FAM53B: variants seen among roughly 807,000 people sequenced by gnomAD.
FAM53B encodes the protein family with sequence similarity 53 member B.
FAM53B carries 12 observed loss-of-function variants against 32.7 expected under a neutral mutation model. The observed-to-expected ratio is 0.37, with a 90% CI of 0.24 to 0.59. The LOEUF (loss-of-function observed/expected upper bound fraction) is 0.59, where lower values mean the gene tolerates loss of function less well. Among genes scored for constraint, FAM53B ranks in the 20% least tolerant of loss-of-function variants. The pLI is 0.72. For synonymous variants in FAM53B, 234 were observed against 228.7 expected (o/e 1.02, Z -0.21); for missense variants, 477 against 577.7 (o/e 0.83, Z 1.79).
At chr10:124,693,105 C>A (rs1949845681) in intron 3 of FAM53B, among the ~76,000 whole-genome samples, 1 of 152,138 alleles carries the variant, frequency 6.6e-6, no homozygotes, top group Non-Finnish European at 1.5e-5. Flanking sequence ...ACAGCATTGT[C>A]CAGCGCTGGA....
intron 4 of FAM53B, among the ~76,000 whole-genome samples, chr10:124,665,923 C>T (rs80208108): frequency 0.043 from 6,536 of 152,274 alleles, 205 homozygotes; most frequent in East Asian, 0.12. Flanking sequence ...TAGTCGGCTA[C>T]GTAGACACAG....
rs749678701 is a variant in FAM53B at position 124,682,051 on chromosome 10, G to C, written c.462C>G (p.Arg154=). The change falls in exon 4 of 5, where the codon CGC becomes CGG. Residue 154 remains arginine, a synonymous_variant. Transcript: ENST00000337318. This position sits in a 1 kb window ranked among gnomAD's most constrained non-coding sequence, Gnocchi z 5.2. Reference sequence around the variant, plus strand: ...GCATGGTGCTGAAGCCGTTGGAATAGCGCTGGACGCTGCCCCCGCTGTAGC... The same window carrying C: ...GCATGGTGCTGAAGCCGTTGGAATACCGCTGGACGCTGCCCCCGCTGTAGC... The part of the protein sequence containing the change: ...RRCYSGGSVQ[R]YSNGFSTMQR... 6.2e-7 allele frequency: 1 copy of C among 1,613,872 alleles called. No homozygotes were observed. The highest frequency in any genetic ancestry group is 1.1e-5 in the South Asian group (1 of 91,080).
At chr10:124,631,859 G>T (rs1235772172) in intron 4 of FAM53B, among the ~76,000 whole-genome samples, 1 of 152,162 alleles carries the variant, frequency 6.6e-6, no homozygotes, top group African/African-American at 2.4e-5. Flanking sequence ...CAGCCACTCC[G>T]GAAGCAGGCC....
At chr10:124,644,628 T>G (rs549932843) in intron 4 of FAM53B, among the ~76,000 whole-genome samples, 93 of 152,324 alleles carry the variant, frequency 6.1e-4, no homozygotes, top group African/African-American at 2.2e-3. Flanking sequence ...TCAAAGGGTT[T>G]TGCCACTGAG....
chr10:124,727,594 C>T (rs1950114811), intron 1 of FAM53B, among the ~76,000 whole-genome samples: 1 of 152,200 alleles, frequency 6.6e-6, no homozygotes, highest in East Asian at 1.9e-4. Flanking sequence ...CTAGTCACTG[C>T]CATTCACCAT....
chr10:124,689,936 G>T (rs1305311330), intron 3 of FAM53B, among the ~76,000 whole-genome samples: 2 of 152,240 alleles, frequency 1.3e-5, no homozygotes, highest in African/African-American at 2.4e-5. Context: ...GCTCCCACAG[G>T]CGTTCATAAA....
At chr10:124,740,282 C>T (rs987982322) in intron 1 of FAM53B, among the ~76,000 whole-genome samples, 1 of 152,154 alleles carries the variant, frequency 6.6e-6, no homozygotes, top group Non-Finnish European at 1.5e-5. Context: ...TGCCCCAAAA[C>T]GCTGTGCACA....
At chr10:124,656,295 C>T (rs572654764) in intron 4 of FAM53B, among the ~76,000 whole-genome samples, 10 of 152,194 alleles carry the variant, frequency 6.6e-5, no homozygotes, top group African/African-American at 2.2e-4. Flanking sequence ...CCAGGCCCCA[C>T]GATAAGCATG....
rs1490119837 is a variant in FAM53B at position 124,651,778 on chromosome 10, A to T, written c.907-28174T>A. ...AGGTCGGCAGTGACTGGGCACTGGC[A>T]CATGGCGGGGACACGCCACCCCTGC... is the stretch of plus-strand genomic sequence containing the variant. On this transcript the variant is annotated intron_variant, in intron 4 of 4. Coordinates refer to ENST00000337318, the MANE Select transcript of FAM53B (RefSeq NM_014661.4). The surrounding 1 kb of genome is among the most constrained non-coding windows in gnomAD (Gnocchi z 5.2). Among the ~76,000 whole-genome samples the T allele has an allele frequency of 1.3e-5, 2 of 152,260 alleles. No homozygotes were observed. The highest frequency in any genetic ancestry group is 1.5e-5 in the Non-Finnish European group (1 of 68,042).
intron 4 of FAM53B, among the ~76,000 whole-genome samples, chr10:124,678,296 A>G (rs1034010926): frequency 2.0e-5 from 3 of 152,138 alleles, no homozygotes; most frequent in Admixed American, 6.5e-5. Flanking sequence ...CACTGGGGGG[A>G]GTGTGTGTAC....
rs1224215682 is a variant in FAM53B at position 124,682,169 on chromosome 10, C to T, written c.344G>A (p.Arg115His). 4.3e-6 allele frequency: 7 copies of T among 1,613,398 alleles called. No homozygotes were observed. Among genetic ancestry groups the T allele is most frequent in the South Asian group, 1.1e-5 (1 of 90,954 alleles). The change falls in exon 4 of 5, where the codon CGC becomes CAC. Residue 115 changes from arginine (R) to histidine (H), a missense_variant. Around this residue, in one of 2 missense-constraint regions of FAM53B, gnomAD observed 312 missense variants for 420.2 expected, o/e 0.74. Transcript: ENST00000337318. The surrounding 1 kb of genome is among the most constrained non-coding windows in gnomAD (Gnocchi z 5.2). ...PSAPPSKRQC[R>H]SLSFSDEMSS... ...CATCTCATCGGAGAAGGACAGTGAG[C>T]GGCACTGGCGCTTGCTAGGGGGTGC...
intron 1 of FAM53B, among the ~76,000 whole-genome samples, chr10:124,729,461 G>T (rs947374744): frequency 3.3e-5 from 5 of 152,182 alleles, no homozygotes; most frequent in African/African-American, 1.2e-4. Context: ...CTTCCTTCAT[G>T]CAACTATTCT....
chr10:124,669,634 A>G (rs866723111), intron 4 of FAM53B, among the ~76,000 whole-genome samples: 129 of 152,106 alleles, frequency 8.5e-4, no homozygotes, highest in African/African-American at 3.0e-3. Context: ...CCGTCAGGGA[A>G]CCCAAAGCCT....
intron 4 of FAM53B, among the ~76,000 whole-genome samples, chr10:124,668,558 G>C (rs981019314): frequency 9.2e-5 from 14 of 152,250 alleles, no homozygotes; most frequent in African/African-American, 3.4e-4. Flanking sequence ...GCCCATGCCA[G>C]GCAGGACCTG....
chr10:124,710,585 T>C (rs1245398093), intron 1 of FAM53B, among the ~76,000 whole-genome samples: 1 of 152,254 alleles, frequency 6.6e-6, no homozygotes, highest in East Asian at 1.9e-4. Flanking sequence ...GCCGGGGGCA[T>C]GGCCAAGAAA....
chr10:124,735,341 T>C (rs372051450), intron 1 of FAM53B, among the ~76,000 whole-genome samples: 197 of 152,302 alleles, frequency 1.3e-3, no homozygotes, highest in African/African-American at 4.4e-3. Flanking sequence ...GTTCTATGCT[T>C]AGGAGCAAAA....
chr10:124,729,211 T>C (rs1354101750), intron 1 of FAM53B, among the ~76,000 whole-genome samples: 1 of 152,178 alleles, frequency 6.6e-6, no homozygotes, highest in Admixed American at 6.5e-5. Context: ...GTGAGAAACT[T>C]AGGGCAGAGC....
chr10:124,693,879 ACT>A, intron 3 of FAM53B, among the ~76,000 whole-genome samples: 1 of 152,178 alleles, frequency 6.6e-6, no homozygotes, highest in Non-Finnish European at 1.5e-5. Flanking sequence ...GGTCTGATTC[ACT>A]CTATCCCTCA....
chr10:124,661,571 C>T (rs937320010), intron 4 of FAM53B, among the ~76,000 whole-genome samples: 5 of 152,226 alleles, frequency 3.3e-5, no homozygotes, highest in South Asian at 2.1e-4. Context: ...GCCACTGTCC[C>T]GCACTGCGAG....
Sources: allele counts gnomAD v4.1 joint callset (sites outside exome capture counted in the v4.1 genomes callset), GRCh38; gene constraint gnomAD v4.1.1; regional missense constraint gnomAD v4.1.1; non-coding constraint Gnocchi (gnomAD v3.1); transcripts MANE v1.5; gene names NCBI Gene and HGNC (gene_info 2026-07-23, HGNC 2026-07-21).